Variants in EXOC4 observed in about 807,000 individuals in gnomAD.
EXOC4 encodes SEC8-like 1.
EXOC4 carries 71 observed loss-of-function variants against 107.2 expected under a neutral mutation model. The ratio of observed to expected loss-of-function variants is 0.66; its 90% confidence interval spans 0.55 to 0.81. The LOEUF is 0.81. Among genes scored for constraint, EXOC4 ranks in the 30% least tolerant of loss-of-function variants. EXOC4 has a pLI of 0.00. For missense variants in EXOC4, 1,108 were observed against 1,189.6 expected, an observed-to-expected ratio of 0.93 and a Z score of 1.01; for synonymous variants, 456 against 441.2, an observed-to-expected ratio of 1.03 and a Z score of -0.42.
At chr7:133,388,177 C>T (rs1192864681) in intron 7 of EXOC4, among the ~76,000 whole-genome samples, 1 of 151,934 alleles carries the variant, frequency 6.6e-6, no homozygotes, top group African/African-American at 2.4e-5. Flanking sequence ...GAATGGTTCC[C>T]CATGTATTCA....
intron 9 of EXOC4, 188 bp downstream of exon 9, chr7:133,480,326 A>G (rs1200519777): frequency 7.8e-6 from 11 of 1,414,988 alleles, no homozygotes; most frequent in Non-Finnish European, 1.0e-5. Context: ...CTGTGGCCAT[A>G]GGACTTGTAG....
intron 5 of EXOC4, among the ~76,000 whole-genome samples, chr7:133,326,694 C>T (rs1002566533): frequency 1.3e-5 from 2 of 152,210 alleles, no homozygotes; most frequent in Non-Finnish European, 2.9e-5. Flanking sequence ...GTTCTCAGAT[C>T]TCAAATTCCG....
chr7:133,551,117 A>G (rs1163781814), intron 9 of EXOC4, among the ~76,000 whole-genome samples: 1 of 152,058 alleles, frequency 6.6e-6, no homozygotes, highest in East Asian at 1.9e-4. Flanking sequence ...CTTAATCTGG[A>G]TCTCCATTGG....
intron 17 of EXOC4, among the ~76,000 whole-genome samples, chr7:134,059,389 C>G (rs34346121): frequency 0.44 from 66,873 of 151,854 alleles, 15,216 homozygotes; most frequent in East Asian, 0.6. Flanking sequence ...AAAGAGAAGT[C>G]AGAAAAGCAC....
chr7:133,566,504 G>T (rs1031284818), intron 9 of EXOC4, among the ~76,000 whole-genome samples: 1 of 152,166 alleles, frequency 6.6e-6, no homozygotes, highest in Non-Finnish European at 1.5e-5. Flanking sequence ...CCTCAATTTA[G>T]TGGGTAAATT....
At chr7:133,375,090 C>A in intron 7 of EXOC4, 88 bp downstream of exon 7, 1 of 1,081,078 alleles carries the variant, frequency 9.3e-7, no homozygotes, top group Non-Finnish European at 1.4e-6. Context: ...CCACCTAAAA[C>A]ACTATCTTAA....
intron 11 of EXOC4, among the ~76,000 whole-genome samples, chr7:133,871,580 C>T (rs1798753283): frequency 6.6e-6 from 1 of 152,122 alleles, no homozygotes; most frequent in Non-Finnish European, 1.5e-5. Flanking sequence ...CCTAGGCTGC[C>T]TCTCCCTCCA....
In EXOC4 at chr7:133,598,026, G is replaced by GA. The variant is rs939474940; in HGVS notation, c.1418-32009dup. On this transcript the variant is annotated intron_variant, in intron 9 of 17. Transcript: ENST00000253861. Reference sequence around the variant, plus strand: ...AGAGCAACACTCTGTCTCAAATAAAGAAAAAAAAAAGTGATGACAAAAACC... The same window carrying GA: ...AGAGCAACACTCTGTCTCAAATAAAGAAAAAAAAAAAGTGATGACAAAAACC... Among the ~76,000 whole-genome samples the GA allele has an allele frequency of 1.1e-4, 16 of 146,036 alleles. 1 individual carries two copies. Among genetic ancestry groups the GA allele is most frequent in the South Asian group, 6.5e-4 (3 of 4,600 alleles).
At chr7:134,038,677 A>T (rs1227029825) in intron 17 of EXOC4, among the ~76,000 whole-genome samples, 1 of 152,012 alleles carries the variant, frequency 6.6e-6, no homozygotes, top group Non-Finnish European at 1.5e-5. Flanking sequence ...TTCCTTCGCT[A>T]TCCTCCACGG....
chr7:133,490,277 T>G (rs1157449995), intron 9 of EXOC4, among the ~76,000 whole-genome samples: 1 of 152,188 alleles, frequency 6.6e-6, no homozygotes, highest in Admixed American at 6.5e-5. Context: ...TGATTCATGT[T>G]ACATGCAGCC....
intron 10 of EXOC4, among the ~76,000 whole-genome samples, chr7:133,815,941 A>T (rs1218073176): frequency 6.6e-6 from 1 of 152,292 alleles, no homozygotes; most frequent in East Asian, 1.9e-4. Context: ...TCTTTCATTG[A>T]TCCATTTTTA....
intron 9 of EXOC4, among the ~76,000 whole-genome samples, chr7:133,489,063 T>C (rs1416496982): frequency 6.7e-6 from 1 of 150,362 alleles, no homozygotes; most frequent in Non-Finnish European, 1.5e-5. Context: ...GTCATTTGTA[T>C]GAAGGTCAGA....
intron 15 of EXOC4, among the ~76,000 whole-genome samples, chr7:133,998,762 C>T (rs1563085766): frequency 6.6e-6 from 1 of 152,174 alleles, no homozygotes; most frequent in Non-Finnish European, 1.5e-5. Flanking sequence ...AAAGGTCACT[C>T]TGGCTGTTGT....
intron 7 of EXOC4, among the ~76,000 whole-genome samples, chr7:133,389,807 A>G (rs1796810644): frequency 6.6e-6 from 1 of 152,026 alleles, no homozygotes; most frequent in South Asian, 2.1e-4. Context: ...GTTTAATTGG[A>G]ATCACAGTTC....
chr7:133,488,504 A>G (rs1413298603), intron 9 of EXOC4, among the ~76,000 whole-genome samples: 1 of 152,178 alleles, frequency 6.6e-6, no homozygotes, highest in Non-Finnish European at 1.5e-5. Context: ...TGGAAATATT[A>G]TATGAGGGAG....
chr7:133,823,530 G>C (rs908850583), intron 11 of EXOC4, among the ~76,000 whole-genome samples: 2 of 151,844 alleles, frequency 1.3e-5, no homozygotes, highest in African/African-American at 4.8e-5. Context: ...AATTATTGTT[G>C]AAGGCTGGGC....
At chr7:133,610,013 C>T (rs1018364256) in intron 9 of EXOC4, among the ~76,000 whole-genome samples, 1 of 152,316 alleles carries the variant, frequency 6.6e-6, no homozygotes, top group South Asian at 2.1e-4. Flanking sequence ...TCTTCTAAAA[C>T]ACTATTCTTA....
chr7:133,313,205 A>G (rs1227193818), intron 4 of EXOC4, among the ~76,000 whole-genome samples: 1 of 121,696 alleles, frequency 8.2e-6, no homozygotes, highest in Non-Finnish European at 1.7e-5. Flanking sequence ...ATTTTCTGTT[A>G]CCATGTCTTC....
At chr7:133,340,291 T>C (rs752271201) in intron 5 of EXOC4, among the ~76,000 whole-genome samples, 3 of 152,236 alleles carry the variant, frequency 2.0e-5, no homozygotes, top group Non-Finnish European at 2.9e-5. Flanking sequence ...TTTTTAATTC[T>C]GTTCATGTGG....
Sources: gnomAD v4.1 joint callset for allele counts (sites outside exome capture counted in the v4.1 genomes callset) on GRCh38, gnomAD v4.1.1 for gene constraint, MANE v1.5 for transcripts, NCBI Gene and HGNC (gene_info 2026-07-23, HGNC 2026-07-21) for gene names.